The following SEC14L5 variants were observed in gnomAD, a reference collection of about 807,000 sequenced individuals.
SEC14L5 encodes SEC14 like lipid binding 5, also known as SEC14-like protein 5.
SEC14L5 carries 96 observed loss-of-function variants against 84.6 expected under a neutral mutation model. That is an observed-to-expected ratio of 1.13 (90% confidence interval 0.96 to 1.34). The LOEUF (loss-of-function observed/expected upper bound fraction) is 1.34. SEC14L5 is among the 40% of genes most tolerant of loss of function. The probability of loss-of-function intolerance (pLI) is 0.00; values close to 1 mark genes in which losing one functional copy is unlikely to be tolerated. For missense variants in SEC14L5, 1,224 were observed against 942.5 expected, an observed-to-expected ratio of 1.30 and a Z score of -3.91; for synonymous variants, 546 against 383.4, an observed-to-expected ratio of 1.42 and a Z score of -4.95.
At chr16:4,982,145 G>T (rs1955431847) in intron 2 of SEC14L5, among the ~76,000 whole-genome samples, 1 of 152,130 alleles carries the variant, frequency 6.6e-6, no homozygotes, top group Non-Finnish European at 1.5e-5. Flanking sequence ...GGACAGGCAG[G>T]CTGGCCTTGC....
intron 2 of SEC14L5, among the ~76,000 whole-genome samples, chr16:4,964,623 C>G (rs796402537): frequency 1.3e-5 from 2 of 152,010 alleles, no homozygotes; most frequent in Non-Finnish European, 2.9e-5. Context: ...TCTCTCTGCT[C>G]GAGGCCTCAG....
intron 2 of SEC14L5, among the ~76,000 whole-genome samples, chr16:4,974,497 C>T (rs1471498293): frequency 6.6e-6 from 1 of 152,138 alleles, no homozygotes; most frequent in East Asian, 1.9e-4. Context: ...GCCACCGTGC[C>T]TGGCCTGACC....
chr16:5,014,743 C>T (rs1186271636), intron 15 of SEC14L5, 116 bp from the exon 16 acceptor site: 11 of 713,502 alleles, frequency 1.5e-5, no homozygotes, highest in South Asian at 3.6e-5. Flanking sequence ...CCCTTTGCAT[C>T]GGCCTGGGGC....
Position 4,997,013 on chromosome 16 carries a change from C to CT in SEC14L5, c.940dup (p.Tyr314LeufsTer53). On this transcript the variant is annotated frameshift_variant, in exon 8 of 16. Coordinates refer to ENST00000251170, the MANE Select transcript of SEC14L5 (RefSeq NM_014692.2). LOFTEE classifies it high-confidence loss of function. Reference sequence around the variant, plus strand: ...AACCCCCTGCCCTGCTGGAGGAGTTCTATGCAGGGGGCTGGCATTACCAGG... The same window carrying CT: ...AACCCCCTGCCCTGCTGGAGGAGTTCTTATGCAGGGGGCTGGCATTACCAGG... 6.2e-7 allele frequency: 1 copy of CT among 1,612,848 alleles called. No homozygotes were observed. Among genetic ancestry groups the CT allele is most frequent in the Non-Finnish European group, 8.5e-7 (1 of 1,179,398 alleles).
At chr16:5,001,507 C>T (rs1041237984) in intron 10 of SEC14L5, among the ~76,000 whole-genome samples, 13 of 152,176 alleles carry the variant, frequency 8.5e-5, no homozygotes, top group Admixed American at 6.5e-5. Flanking sequence ...GATCCGCCTG[C>T]CTCGGCCTCC....
At chr16:4,965,008 G>A (rs1161709818) in intron 2 of SEC14L5, among the ~76,000 whole-genome samples, 4 of 152,166 alleles carry the variant, frequency 2.6e-5, no homozygotes, top group African/African-American at 9.7e-5. Flanking sequence ...TAGGATTACA[G>A]GTGTGAGCCA....
chr16:5,014,286 C>T lies in SEC14L5; in HGVS notation c.1980-573C>T, dbSNP rs762980906. Among the ~76,000 whole-genome samples the T allele has an allele frequency of 8.4e-4, 128 of 152,290 alleles. 1 individual carries two copies. Among genetic ancestry groups the T allele is most frequent in the Non-Finnish European group, 1.7e-3 (114 of 68,022 alleles). ...CTTGGAGGGTGGGCATGGTGCCTCA[C>T]GCCTGTAATCCAAGTGCTTTGGGAG... On this transcript the variant is annotated intron_variant, in intron 15 of 15. Transcript: ENST00000251170.
At chr16:4,972,869 G>T (rs1467190312) in intron 2 of SEC14L5, among the ~76,000 whole-genome samples, 3 of 152,184 alleles carry the variant, frequency 2.0e-5, no homozygotes, top group Admixed American at 6.5e-5. Context: ...TCAACAATGT[G>T]GTACCTGGCA....
At chr16:5,007,955 T>G (rs1261678064) in intron 13 of SEC14L5, among the ~76,000 whole-genome samples, 1 of 143,708 alleles carries the variant, frequency 7.0e-6, no homozygotes, top group East Asian at 2.1e-4. Context: ...TCACCAAGGC[T>G]GGAGTGCAGT....
At chr16:4,969,442 T>C (rs1045274200) in intron 2 of SEC14L5, among the ~76,000 whole-genome samples, 5 of 151,878 alleles carry the variant, frequency 3.3e-5, no homozygotes, top group African/African-American at 1.2e-4. Context: ...TGGAATGCAA[T>C]GGTGCCATCT....
At chr16:4,960,143 A>G (rs1955102585) in intron 2 of SEC14L5, among the ~76,000 whole-genome samples, 1 of 152,194 alleles carries the variant, frequency 6.6e-6, no homozygotes, top group South Asian at 2.1e-4. Flanking sequence ...GAAGCTGGAC[A>G]TAGGTGGATG....
At chr16:5,000,516 T>G in intron 8 of SEC14L5, 139 bp from the exon 9 acceptor site, 1 of 640,770 alleles carries the variant, frequency 1.6e-6, no homozygotes, top group Non-Finnish European at 2.8e-6. Context: ...AGGCAGGGTG[T>G]TAGTAAGTGA....
chr16:4,987,516 G>GC lies in SEC14L5; in HGVS notation c.64-33dup, dbSNP rs751548072. 5.3e-3 allele frequency: 7,411 copies of GC among 1,410,890 alleles called. 32 individuals carry two copies. The highest frequency in any genetic ancestry group is 6.3e-3 in the Non-Finnish European group (6,686 of 1,065,476). The allele number at this position is 1,410,890 out of a possible 1,614,324, so 87.4% of individuals were successfully genotyped here. A position where few individuals can be genotyped will look rare whatever the true frequency, so the allele number is the denominator to read the frequency against. On this transcript the variant is annotated intron_variant, in intron 2 of 15. Coordinates refer to ENST00000251170, the MANE Select transcript of SEC14L5 (RefSeq NM_014692.2). ...TCGCGCTGGGGGGGGGGGTCCCTCTGCCCCCCCCACCACGGCCGCTCACTG... is the reference window on the plus strand; with the variant it reads ...TCGCGCTGGGGGGGGGGGTCCCTCTGCCCCCCCCCACCACGGCCGCTCACTG...
At position 4,997,148 on chromosome 16, in the gene SEC14L5, G is replaced by A. The variant is rs1955621732; in HGVS notation, c.970+104G>A. ...GGGTCTCACTCTGTCACCCAGGCTGGAGTGCAGTGGTGCCATCTCGGCTCA... is the reference window on the plus strand; with the variant it reads ...GGGTCTCACTCTGTCACCCAGGCTGAAGTGCAGTGGTGCCATCTCGGCTCA... On this transcript the variant is annotated intron_variant, in intron 8 of 15. Coordinates refer to ENST00000251170, the MANE Select transcript of SEC14L5 (RefSeq NM_014692.2). 3 of 800,554 alleles carry A rather than the reference G, an allele frequency of 3.7e-6. No individual in the cohort carries two copies. In the East Asian group the frequency reaches 9.4e-5, roughly 25 times the overall value. The allele number at this position is 800,554 out of a possible 1,614,324, so 49.6% of individuals were successfully genotyped here. A position where few individuals can be genotyped will look rare whatever the true frequency, so the allele number is the denominator to read the frequency against.
chr16:5,011,761 G>C (rs1427371067), intron 15 of SEC14L5, among the ~76,000 whole-genome samples: 1 of 152,162 alleles, frequency 6.6e-6, no homozygotes, highest in African/African-American at 2.4e-5. Context: ...AGCCTCAGGT[G>C]CTTCATCCCT....
At position 5,002,382 on chromosome 16, in the gene SEC14L5, C is replaced by T. The variant is rs567122233; in HGVS notation, c.1131-1020C>T. Reference sequence around the variant, plus strand: ...TGCAATCTTGGCTCACTCCAACCTCCACCTCCTGGGTTCAAGTGATTCTCG... The same window carrying T: ...TGCAATCTTGGCTCACTCCAACCTCTACCTCCTGGGTTCAAGTGATTCTCG... On this transcript the variant is annotated intron_variant, in intron 10 of 15. Coordinates refer to ENST00000251170, the MANE Select transcript of SEC14L5 (RefSeq NM_014692.2). Among the ~76,000 whole-genome samples the T allele has an allele frequency of 2.5e-4, 38 of 151,338 alleles. 2 individuals carry two copies. In the South Asian group the frequency reaches 7.7e-3, roughly 31 times the overall value.
rs1440705922 is a variant in SEC14L5, at chr16:5,018,407, C to T, written c.*3437C>T. 9.9e-5 allele frequency: 15 copies of T among 152,246 alleles called. No individual in the cohort carries two copies. Among genetic ancestry groups the T allele is most frequent in the Admixed American group, 9.8e-4 (15 of 15,274 alleles). The allele number at this position is 152,246 out of a possible 1,614,324, so 9.4% of individuals were successfully genotyped here. A position where few individuals can be genotyped will look rare whatever the true frequency, so the allele number is the denominator to read the frequency against. On this transcript the variant is annotated 3_prime_UTR_variant, in exon 16 of 16. Coordinates refer to ENST00000251170, the MANE Select transcript of SEC14L5 (RefSeq NM_014692.2). The stretch of plus-strand genomic sequence containing the variant: ...GTGGGCGGGGCGTGGTGGCTCATGC[C>T]TATAATCCCAACACTTTGGGAGGCT...
intron 1 of SEC14L5, 56 bp from the exon 2 acceptor site, chr16:4,959,217 G>C: frequency 1.2e-6 from 1 of 811,842 alleles, no homozygotes; most frequent in Non-Finnish European, 2.2e-6. Flanking sequence ...TTGGTGGGTG[G>C]TGTCCCTGCT....
rs899819681 is a variant in SEC14L5 at position 5,017,098 on chromosome 16, C to T, written c.*2128C>T. The T allele has an allele frequency of 3.4e-5, 5 of 148,726 alleles. No homozygotes were observed. The highest frequency in any genetic ancestry group is 1.2e-4 in the African/African-American group (5 of 40,356). The allele number at this position is 148,726 out of a possible 1,614,324, so 9.2% of individuals were successfully genotyped here. A position where few individuals can be genotyped will look rare whatever the true frequency, so the allele number is the denominator to read the frequency against. On this transcript the variant is annotated 3_prime_UTR_variant, in exon 16 of 16. Transcript: ENST00000251170. ...TGCTGGGATAAGCTGCCCTGGCAGT[C>T]TTTATACATTTATTGTCTAGCCCCA...
Sources: gnomAD v4.1 joint callset for allele counts (sites outside exome capture counted in the v4.1 genomes callset) on GRCh38, gnomAD v4.1.1 for gene constraint, MANE v1.5 for transcripts, NCBI Gene and HGNC (gene_info 2026-07-23, HGNC 2026-07-21) for gene names.